Variants in FCMR observed in about 807,000 individuals in gnomAD.
FCMR encodes the protein Fc mu receptor, also known as immunoglobulin mu Fc receptor.
FCMR carries 34 observed loss-of-function variants against 41.6 expected under a neutral mutation model. The observed-to-expected ratio is 0.82, with a 90% CI of 0.62 to 1.09. FCMR has a LOEUF of 1.09. Among genes scored for constraint, FCMR ranks in the 50% least tolerant of loss-of-function variants. FCMR has a pLI of 0.00. For synonymous variants in FCMR, 209 were observed against 211.8 expected (o/e 0.99, Z 0.12); for missense variants, 496 against 512.5 (o/e 0.97, Z 0.31).
intron 7 of FCMR, chr1:206,907,945 C>T (rs1245326443): frequency 3.0e-6 from 4 of 1,346,442 alleles, no homozygotes; most frequent in Non-Finnish European, 4.2e-6. Flanking sequence ...CGGCATCCTA[C>T]TGCCCTACGA....
rs1444646034 is a variant in FCMR, at chr1:206,904,698, G to A, written c.*321C>T. 3.1e-6 allele frequency: 1 copy of A among 319,208 alleles called. No individual in the cohort carries two copies. Among genetic ancestry groups the A allele is most frequent in the African/African-American group, 2.1e-5 (1 of 46,810 alleles). The allele number at this position is 319,208 out of a possible 1,614,324, so 19.8% of individuals were successfully genotyped here. On this transcript the variant is annotated 3_prime_UTR_variant, in exon 8 of 8. Coordinates refer to ENST00000367091, the MANE Select transcript of FCMR (RefSeq NM_005449.5). ...CTAGAGCCTGGGCAGCAACAACCCT[G>A]TGGTCAAAGACATGGAAGAAACACT...
intron 7 of FCMR, 120 bp from the exon 8 acceptor site, chr1:206,905,267 G>C (rs1420776060): frequency 2.7e-5 from 30 of 1,119,974 alleles, no homozygotes; most frequent in Non-Finnish European, 2.6e-6. Flanking sequence ...AGAAGGCAAA[G>C]ACACAGAGAT....
chr1:206,914,144 C>T (rs1395699744), intron 1 of FCMR, 50 bp from the exon 2 acceptor site: 4 of 1,426,196 alleles, frequency 2.8e-6, no homozygotes, highest in South Asian at 1.2e-5. Context: ...CTAACTATAT[C>T]CCAGCCCCAT....
chr1:206,912,555 C>T (rs1558002348), intron 3 of FCMR, among the ~76,000 whole-genome samples: 1 of 152,188 alleles, frequency 6.6e-6, no homozygotes, highest in Non-Finnish European at 1.5e-5. Context: ...AGGTAGAAGA[C>T]AGCCCTACGG....
Position 206,912,004 on chromosome 1 carries a change from C to T in FCMR, c.488-52G>A, listed in dbSNP as rs373522053. 3.4e-4 allele frequency: 472 copies of T among 1,403,454 alleles called. 3 individuals are homozygous for T. In the African/African-American group the frequency reaches 6.3e-3, roughly 19 times the overall value. 86.9% of individuals were successfully genotyped at this position (1,403,454 alleles called of 1,614,324 possible). A position where few individuals can be genotyped will look rare whatever the true frequency, so the allele number is the denominator to read the frequency against. On this transcript the variant is annotated intron_variant, in intron 3 of 7. Transcript: ENST00000367091. The stretch of plus-strand genomic sequence containing the variant: ...TGTTCCTTTTATACACTCTATTCTC[C>T]AACAGGATTAGGTCACCACCTCTTT...
intron 1 of FCMR, 151 bp from the exon 2 acceptor site, chr1:206,914,245 T>A: frequency 1.6e-6 from 1 of 627,646 alleles, no homozygotes; most frequent in Non-Finnish European, 2.8e-6. Flanking sequence ...GTCCCAATTA[T>A]TAGCCTGGCC....
rs538167265 is a variant in FCMR at position 206,906,415 on chromosome 1, T to G, written c.1045-1268A>C. On this transcript the variant is annotated intron_variant, in intron 7 of 7. Transcript: ENST00000367091. Reference sequence around the variant, plus strand: ...TCGATGTATGACATGATTTTGTTTTTGTTAAATTAAACGAACTTTGAAAAA... The same window carrying G: ...TCGATGTATGACATGATTTTGTTTTGGTTAAATTAAACGAACTTTGAAAAA... The G allele has an allele frequency of 1.9e-4, 32 of 171,148 alleles. No individual in the cohort carries two copies. In the East Asian group the frequency reaches 4.7e-3, roughly 25 times the overall value. 10.6% of individuals were successfully genotyped at this position (171,148 alleles called of 1,614,324 possible). A position where few individuals can be genotyped will look rare whatever the true frequency, so the allele number is the denominator to read the frequency against.
At chr1:206,905,974 G>A (rs1375527234) in intron 7 of FCMR, 1 of 179,852 alleles carries the variant, frequency 5.6e-6, no homozygotes, top group Non-Finnish European at 1.3e-5. Context: ...GAAAAAAAGA[G>A]AGAAGGTTGA....
chr1:206,912,540 C>A (rs1678986967), intron 3 of FCMR, among the ~76,000 whole-genome samples: 1 of 152,196 alleles, frequency 6.6e-6, no homozygotes, highest in South Asian at 2.1e-4. Context: ...TCATTAGATG[C>A]CAGCAGGTAG....
At chr1:206,908,103 G>A (rs1678759920) in intron 7 of FCMR, 4 of 1,182,588 alleles carry the variant, frequency 3.4e-6, no homozygotes, top group Admixed American at 3.8e-5. Flanking sequence ...AGTGGAAGGA[G>A]AAGGCCAAGT....
chr1:206,914,173 C>T (rs1399548349), intron 1 of FCMR, 79 bp from the exon 2 acceptor site: 12 of 1,152,466 alleles, frequency 1.0e-5, no homozygotes, highest in Admixed American at 5.6e-5. Context: ...CAGCTCCAGC[C>T]GTCTCTCCAA....
At chr1:206,912,732 ACTGT>A (rs1317575954) in intron 3 of FCMR, among the ~76,000 whole-genome samples, 193 bp downstream of exon 3, 1 of 152,216 alleles carries the variant, frequency 6.6e-6, no homozygotes, top group African/African-American at 2.4e-5. Flanking sequence ...AGGGGACCTG[ACTGT>A]CGGACAGGCT....
chr1:206,911,988 TATACAC>T, intron 3 of FCMR, 36 bp from the exon 4 acceptor site: 1 of 1,496,662 alleles, frequency 6.7e-7, no homozygotes, highest in Non-Finnish European at 9.2e-7. Flanking sequence ...ATGTTCCTTT[TATACAC>T]TCTATTCTCC....
chr1:206,913,830 A>G lies in FCMR; in HGVS notation c.302T>C (p.Val101Ala). 1 of 1,614,030 alleles carries G rather than the reference A, an allele frequency of 6.2e-7. No individual in the cohort carries two copies. The change falls in exon 2 of 8, where the codon GTC (valine) becomes GCC (alanine). Residue 101 changes from valine (V) to alanine (A), a missense_variant. Physicochemically the swap from Val to Ala is moderately conservative, Grantham distance 64. Transcript: ENST00000367091. Reference protein sequence around the residue: ...VTQLTESDSGVYACGAGMNTD... With the variant: ...VTQLTESDSGAYACGAGMNTD... The stretch of plus-strand genomic sequence containing the variant: ...GTTCATGCCCGCTCCGCAGGCATAG[A>G]CTCCGCTGTCACTTTCTGTCAGCTG...
intron 7 of FCMR, among the ~76,000 whole-genome samples, chr1:206,907,071 C>T (rs965365379): frequency 7.4e-5 from 3 of 40,800 alleles, no homozygotes; most frequent in East Asian, 1.3e-3. Context: ...AAGGGCAAGC[C>T]GGAGAAGCCG....
rs1052217585 is a variant in FCMR at position 206,917,339 on chromosome 1, G to A, written c.38-3245C>T. ...CCTGTGATTTTTATGTTTATCAAAC[G>A]GGGCATGGATTTTTTTTTTGAAGGA... On this transcript the variant is annotated intron_variant, in intron 1 of 7. Transcript: ENST00000367091. Among the ~76,000 whole-genome samples, 5 of 152,244 alleles carry A rather than the reference G, an allele frequency of 3.3e-5. No homozygotes were observed. The East Asian group carries it at 7.7e-4, about 24-fold the overall frequency.
At chr1:206,913,327 G>A (rs551713720) in intron 2 of FCMR, among the ~76,000 whole-genome samples, 81 of 152,292 alleles carry the variant, frequency 5.3e-4, no homozygotes, top group African/African-American at 1.8e-3. Flanking sequence ...GGAGAAAGGC[G>A]GGGTTCCAGA....
At chr1:206,907,098 G>A (rs1180975443) in intron 7 of FCMR, among the ~76,000 whole-genome samples, 2 of 64,074 alleles carry the variant, frequency 3.1e-5, no homozygotes, top group African/African-American at 9.3e-5. Context: ...GGGGGGGTGG[G>A]GGGGTGGGGG....
intron 4 of FCMR, among the ~76,000 whole-genome samples, chr1:206,911,431 T>C (rs1484848814): frequency 6.6e-6 from 1 of 152,206 alleles, no homozygotes; most frequent in Admixed American, 6.5e-5. Flanking sequence ...ATTACTAGTT[T>C]AATAGTTAAT....
Sources: gnomAD v4.1 joint callset for allele counts (sites outside exome capture counted in the v4.1 genomes callset) on GRCh38, gnomAD v4.1.1 for gene constraint, MANE v1.5 for transcripts, NCBI Gene and HGNC (gene_info 2026-07-23, HGNC 2026-07-21) for gene names.